PTER: variants seen among roughly 807,000 people sequenced by gnomAD.
PTER encodes the protein N-acetyltaurine hydrolase.
In PTER, 38 loss-of-function variants were observed where a neutral mutation model predicts 29.6. The ratio of observed to expected loss-of-function variants is 1.28; its 90% CI spans 0.99 to 1.68. The LOEUF is 1.68. Ranked by LOEUF, PTER falls within the 40% of genes most tolerant of loss-of-function variation. The probability of loss-of-function intolerance (pLI) is 0.00; values close to 1 mark genes in which losing one functional copy is unlikely to be tolerated. For synonymous variants in PTER, 172 were observed against 154.5 expected, an observed-to-expected ratio of 1.11 and a Z score of -0.84; for missense variants, 482 against 427.8, an observed-to-expected ratio of 1.13 and a Z score of -1.12.
chr10:16,466,095 T>C (rs1030559076), intron 1 of PTER, among the ~76,000 whole-genome samples: 1 of 152,146 alleles, frequency 6.6e-6, no homozygotes, highest in Non-Finnish European at 1.5e-5. Context: ...TTGTACCTAG[T>C]GTTCCAAGTA....
At chr10:16,448,969 T>C (rs1006469216) in intron 1 of PTER, among the ~76,000 whole-genome samples, 2 of 152,192 alleles carry the variant, frequency 1.3e-5, no homozygotes, top group Admixed American at 6.5e-5. Flanking sequence ...GCAGCTGCAA[T>C]TGGAGTCACC....
intron 1 of PTER, among the ~76,000 whole-genome samples, chr10:16,472,401 C>T (rs1222065096): frequency 6.6e-6 from 1 of 152,096 alleles, no homozygotes; most frequent in African/African-American, 2.4e-5. Flanking sequence ...AATTGAATCA[C>T]GGGGGCGGTT....
intron 1 of PTER, among the ~76,000 whole-genome samples, chr10:16,449,026 C>T (rs1164924949): frequency 6.6e-6 from 1 of 152,230 alleles, no homozygotes; most frequent in African/African-American, 2.4e-5. Flanking sequence ...TAAGATCCGT[C>T]TGTCTTCTGC....
intron 1 of PTER, among the ~76,000 whole-genome samples, chr10:16,438,469 G>GGGT (rs1554784923): frequency 2.1e-5 from 2 of 95,054 alleles, no homozygotes; most frequent in Admixed American, 1.0e-4. Flanking sequence ...TCTGTTTTTT[G>GGGT]TTTTTTTTTT....
At chr10:16,462,770 C>T (rs1483977499) in intron 1 of PTER, among the ~76,000 whole-genome samples, 1 of 151,186 alleles carries the variant, frequency 6.6e-6, no homozygotes, top group East Asian at 2.0e-4. Flanking sequence ...GGGGTTTCAC[C>T]ATGTAGGCCA....
At chr10:16,483,509 C>A (rs1482419960) in intron 1 of PTER, among the ~76,000 whole-genome samples, 1 of 152,034 alleles carries the variant, frequency 6.6e-6, no homozygotes, top group Non-Finnish European at 1.5e-5. Flanking sequence ...ACATCATGGA[C>A]CTTCAACAGA....
intron 4 of PTER, 150 bp downstream of exon 4, chr10:16,505,310 G>GA (rs1035219277): frequency 2.9e-6 from 3 of 1,024,634 alleles, no homozygotes; most frequent in South Asian, 3.8e-5. Flanking sequence ...GTTTCAGGGA[G>GA]AAAAATCTCT....
intron 3 of PTER, among the ~76,000 whole-genome samples, chr10:16,499,894 T>C (rs1008456842): frequency 1.3e-5 from 2 of 152,076 alleles, no homozygotes. Context: ...TCTTCCCCTC[T>C]TTTTCTTTCT....
In PTER at chr10:16,484,739, G is replaced by T. The variant is rs767872311; in HGVS notation, c.355G>T (p.Val119Phe). 1.9e-6 allele frequency: 3 copies of T among 1,613,962 alleles called. No homozygotes were observed. The highest frequency in any genetic ancestry group is 2.5e-6 in the Non-Finnish European group (3 of 1,179,998). ...GAAGAGGCTTGCAGAAGAGACTGGC[G>T]TCCATATCATATCTGGAGCCGGGTT... Reference protein sequence around the residue: ...TLKRLAEETGVHIISGAGFYV... With the variant: ...TLKRLAEETGFHIISGAGFYV... The change falls in exon 2 of 5, where the codon GTC becomes TTC. Residue 119 changes from valine to phenylalanine, a missense_variant. By Grantham distance (50) the Val-to-Phe change is conservative (BLOSUM62 -1). Transcript: ENST00000535784.
intron 1 of PTER, among the ~76,000 whole-genome samples, chr10:16,456,246 T>C (rs1162652444): frequency 6.6e-6 from 1 of 152,222 alleles, no homozygotes; most frequent in Non-Finnish European, 1.5e-5. Context: ...ATTTACAGAA[T>C]CCTGCTATGG....
At chr10:16,515,224 G>GAA (rs71952606), downstream of PTER, among the ~76,000 whole-genome samples, 165 of 134,858 alleles carry the variant, frequency 1.2e-3, 1 homozygote, top group South Asian at 5.3e-3. Flanking sequence ...TACTTACAAA[G>GAA]AAAAAAAAAA....
At chr10:16,450,666 ACT>A (rs1165533690) in intron 1 of PTER, among the ~76,000 whole-genome samples, 2 of 151,914 alleles carry the variant, frequency 1.3e-5, no homozygotes, top group Non-Finnish European at 2.9e-5. Context: ...AGGAGATAAG[ACT>A]CTCCTTCAGG....
At chr10:16,451,780 A>G (rs572317441) in intron 1 of PTER, among the ~76,000 whole-genome samples, 114 of 152,166 alleles carry the variant, frequency 7.5e-4, no homozygotes, top group Non-Finnish European at 1.4e-3. Flanking sequence ...GTCAGTCTAT[A>G]TATCTGATGT....
intron 1 of PTER, among the ~76,000 whole-genome samples, chr10:16,452,194 TACAC>T (rs375537112): frequency 2.7e-3 from 399 of 146,308 alleles, no homozygotes; most frequent in Non-Finnish European, 3.9e-3. Context: ...ACCAGTGGGA[TACAC>T]ACACACACAC....
At chr10:16,471,106 C>T (rs1441769585) in intron 1 of PTER, among the ~76,000 whole-genome samples, 1 of 152,094 alleles carries the variant, frequency 6.6e-6, no homozygotes, top group African/African-American at 2.4e-5. Context: ...AATCAGTCGG[C>T]GATGGACTAC....
intron 1 of PTER, among the ~76,000 whole-genome samples, chr10:16,469,806 G>A (rs1465598895): frequency 1.3e-5 from 2 of 151,952 alleles, no homozygotes; most frequent in African/African-American, 4.8e-5. Flanking sequence ...GCGAACTCCT[G>A]GGCTCAAGCA....
intron 1 of PTER, among the ~76,000 whole-genome samples, chr10:16,483,406 T>C (rs1417801034): frequency 1.3e-5 from 2 of 152,226 alleles, no homozygotes; most frequent in Non-Finnish European, 2.9e-5. Flanking sequence ...CAACCGAGTG[T>C]GCTCCTCAGT....
rs1032805576 is a variant in PTER at position 16,513,241 on chromosome 10, G to C, written c.*1985G>C. On this transcript the variant is annotated 3_prime_UTR_variant, in exon 5 of 5. Coordinates refer to ENST00000535784, the MANE Select transcript of PTER (RefSeq NM_001261836.2). ...CTCTTAAAGAGAAGTCATTTTAACT[G>C]TTTTTGCTACTCCATATATTGTCAT... 8 of 152,306 alleles carry C rather than the reference G, an allele frequency of 5.3e-5. No homozygotes were observed. Among genetic ancestry groups the C allele is most frequent in the Non-Finnish European group, 1.0e-4 (7 of 67,946 alleles). The allele number at this position is 152,306 out of a possible 1,614,324, so 9.4% of individuals were successfully genotyped here.
chr10:16,488,098 T>TAA (rs1004508711), intron 3 of PTER, among the ~76,000 whole-genome samples: 6 of 152,196 alleles, frequency 3.9e-5, no homozygotes, highest in African/African-American at 1.4e-4. Context: ...AACTGAGGCA[T>TAA]AATAGGATAA....
Sources: gnomAD v4.1 joint callset for allele counts (sites outside exome capture counted in the v4.1 genomes callset) on GRCh38, gnomAD v4.1.1 for gene constraint, MANE v1.5 for transcripts, NCBI Gene and HGNC (gene_info 2026-07-23, HGNC 2026-07-21) for gene names.